UBE2E2: variants seen among roughly 807,000 people sequenced by gnomAD.
UBE2E2 encodes ubiquitin-conjugating enzyme E2 E2.
UBE2E2 carries 6 observed loss-of-function variants against 24.7 expected under a neutral mutation model. The ratio of observed to expected loss-of-function variants is 0.24; its 90% CI spans 0.13 to 0.48. UBE2E2 has a LOEUF of 0.48. Among genes scored for constraint, UBE2E2 ranks in the 20% least tolerant of loss-of-function variants. UBE2E2 has a pLI of 0.99. For synonymous variants in UBE2E2, 104 were observed against 83.6 expected, an observed-to-expected ratio of 1.24 and a Z score of -1.33; for missense variants, 169 against 245.0, an observed-to-expected ratio of 0.69 and a Z score of 2.07.
At chr3:23,484,173 G>A (rs965499717) in intron 3 of UBE2E2, among the ~76,000 whole-genome samples, 1 of 152,152 alleles carries the variant, frequency 6.6e-6, no homozygotes, top group Non-Finnish European at 1.5e-5. Context: ...TTTCCATGAA[G>A]TGCCTTTAGC....
chr3:23,590,186 TG>T lies in UBE2E2; in HGVS notation c.*356del, dbSNP rs960218385. On this transcript the variant is annotated 3_prime_UTR_variant, in exon 6 of 6. Coordinates refer to ENST00000396703, the MANE Select transcript of UBE2E2 (RefSeq NM_152653.4). ...AAAGCTTTGTATTACTGTGTGGTTT[TG>T]TTTTTTTTGTTGTTGTTTATTTGAT... is the stretch of plus-strand genomic sequence containing the variant. 5.2e-6 allele frequency: 1 copy of T among 190,746 alleles called. No homozygotes were observed. Among genetic ancestry groups the T allele is most frequent in the South Asian group, 1.9e-4 (1 of 5,272 alleles). The allele number at this position is 190,746 out of a possible 1,614,324, so 11.8% of individuals were successfully genotyped here.
intron 3 of UBE2E2, among the ~76,000 whole-genome samples, chr3:23,346,372 T>C (rs1173906171): frequency 6.6e-6 from 1 of 150,932 alleles, no homozygotes; most frequent in African/African-American, 2.5e-5. Flanking sequence ...TGCTTTCAGA[T>C]ACTATCATCA....
chr3:23,523,848 A>G (rs1034318024), intron 4 of UBE2E2, among the ~76,000 whole-genome samples: 11 of 151,666 alleles, frequency 7.3e-5, no homozygotes, highest in Admixed American at 3.3e-4. Context: ...ATGTATACTA[A>G]CAACCTGTTT....
intron 5 of UBE2E2, among the ~76,000 whole-genome samples, chr3:23,559,932 T>G (rs1472559179): frequency 6.6e-6 from 1 of 152,130 alleles, no homozygotes; most frequent in Non-Finnish European, 1.5e-5. Context: ...AAAATATACC[T>G]CATGCACATA....
intron 3 of UBE2E2, among the ~76,000 whole-genome samples, chr3:23,394,351 G>A (rs759442872): frequency 9.9e-5 from 15 of 152,108 alleles, no homozygotes; most frequent in South Asian, 6.2e-4. Context: ...ATATTTTTAC[G>A]AAATTGTGTA....
At chr3:23,579,624 CAG>C (rs2125517854) in intron 5 of UBE2E2, among the ~76,000 whole-genome samples, 1 of 151,486 alleles carries the variant, frequency 6.6e-6, no homozygotes, top group South Asian at 2.1e-4. Flanking sequence ...CACTTGAGCC[CAG>C]GATCGCGAAG....
intron 4 of UBE2E2, among the ~76,000 whole-genome samples, chr3:23,512,024 A>G (rs1261015177): frequency 6.6e-6 from 1 of 152,056 alleles, no homozygotes; most frequent in Admixed American, 6.5e-5. Context: ...TAATGTGATT[A>G]GGATCACATA....
chr3:23,257,530 CTTTTTTT>C (rs3057372), intron 3 of UBE2E2, among the ~76,000 whole-genome samples: 4 of 16,254 alleles, frequency 2.5e-4, no homozygotes, highest in Non-Finnish European at 4.1e-4. Context: ...CCCCCCCCCA[CTTTTTTT>C]TTTTTTTTTT....
chr3:23,559,642 G>A (rs1438929522), intron 5 of UBE2E2, among the ~76,000 whole-genome samples: 7 of 151,804 alleles, frequency 4.6e-5, no homozygotes, highest in African/African-American at 1.5e-4. Flanking sequence ...CTTTCTTTTT[G>A]TACAATGTTG....
At chr3:23,569,743 G>A (rs1173785974) in intron 5 of UBE2E2, among the ~76,000 whole-genome samples, 1 of 152,142 alleles carries the variant, frequency 6.6e-6, no homozygotes, top group African/African-American at 2.4e-5. Context: ...TTCTTTAGAT[G>A]AGTTTATTCT....
At chr3:23,228,944 T>TA (rs780855801) in intron 3 of UBE2E2, among the ~76,000 whole-genome samples, 1 of 151,910 alleles carries the variant, frequency 6.6e-6, no homozygotes, top group Non-Finnish European at 1.5e-5. Flanking sequence ...GCAGAACTCT[T>TA]ACACCAGAGC....
At chr3:23,567,540 G>T (rs1335338269) in intron 5 of UBE2E2, among the ~76,000 whole-genome samples, 1 of 152,182 alleles carries the variant, frequency 6.6e-6, no homozygotes, top group Non-Finnish European at 1.5e-5. Context: ...AATGGATCAT[G>T]TCTGCTTTAG....
intron 3 of UBE2E2, among the ~76,000 whole-genome samples, chr3:23,398,347 A>C (rs1288517213): frequency 1.3e-5 from 2 of 148,552 alleles, no homozygotes; most frequent in Non-Finnish European, 3.0e-5. Flanking sequence ...GGAAAGTGGG[A>C]TTCCTTAACA....
intron 3 of UBE2E2, among the ~76,000 whole-genome samples, chr3:23,261,191 A>C (rs967035687): frequency 3.3e-5 from 5 of 150,916 alleles, no homozygotes; most frequent in African/African-American, 1.2e-4. Context: ...TTTTTTTTTA[A>C]AGCTTAGGAA....
chr3:23,323,021 TATATA>T (rs1237633568), intron 3 of UBE2E2, among the ~76,000 whole-genome samples: 1 of 151,994 alleles, frequency 6.6e-6, no homozygotes, highest in African/African-American at 2.4e-5. Flanking sequence ...TTAATATAAA[TATATA>T]ATATCGTGTC....
chr3:23,482,807 CACTT>C (rs1247813044), intron 3 of UBE2E2, among the ~76,000 whole-genome samples: 1 of 152,158 alleles, frequency 6.6e-6, no homozygotes, highest in Non-Finnish European at 1.5e-5. Flanking sequence ...AATCCTATCT[CACTT>C]AGTTGTCACT....
At chr3:23,449,351 C>T in intron 3 of UBE2E2, among the ~76,000 whole-genome samples, 1 of 152,186 alleles carries the variant, frequency 6.6e-6, no homozygotes, top group East Asian at 1.9e-4. Context: ...TTGACCATTA[C>T]ATCATCATTA....
intron 3 of UBE2E2, among the ~76,000 whole-genome samples, chr3:23,237,303 A>G (rs907513180): frequency 2.6e-5 from 4 of 152,214 alleles, no homozygotes; most frequent in Non-Finnish European, 5.9e-5. Flanking sequence ...ATTATTCATT[A>G]TCTTCTTAAT....
chr3:23,348,347 C>CAAAAAAAAAAA (rs35038477), intron 3 of UBE2E2, among the ~76,000 whole-genome samples: 164 of 121,894 alleles, frequency 1.3e-3, no homozygotes, highest in East Asian at 5.1e-3. Flanking sequence ...GTGCTGCTTT[C>CAAAAAAAAAAA]AAAAAAAAAA....
Sources: gnomAD v4.1 joint callset for allele counts (sites outside exome capture counted in the v4.1 genomes callset) on GRCh38, gnomAD v4.1.1 for gene constraint, MANE v1.5 for transcripts, NCBI Gene and HGNC (gene_info 2026-07-23, HGNC 2026-07-21) for gene names.